Variants in ZNF521 observed in about 807,000 individuals in gnomAD.
ZNF521 encodes LYST-interacting protein 3.
ZNF521 carries 14 observed loss-of-function variants against 105.5 expected under a neutral mutation model. That is an observed-to-expected ratio of 0.13 (90% CI 0.09 to 0.21). The LOEUF (loss-of-function observed/expected upper bound fraction) is 0.21, where lower values mean the gene tolerates loss of function less well. ZNF521 is among the 10% of genes least tolerant of loss of function. The probability of loss-of-function intolerance (pLI) is 1.00; values close to 1 mark genes in which losing one functional copy is unlikely to be tolerated. For missense variants in ZNF521, 1,233 were observed against 1,629.7 expected (o/e 0.76, Z 4.19); for synonymous variants, 635 against 606.0 (o/e 1.05, Z -0.70).
intron 4 of ZNF521, chr18:25,202,278 A>T (rs919530298): frequency 5.3e-5 from 8 of 152,206 alleles, no homozygotes; most frequent in Non-Finnish European, 1.2e-4. Context: ...AATTTGAAAA[A>T]ATAAAAAATA....
At chr18:25,304,993 C>T (rs1199422363) in intron 3 of ZNF521, among the ~76,000 whole-genome samples, 1 of 152,202 alleles carries the variant, frequency 6.6e-6, no homozygotes, top group Non-Finnish European at 1.5e-5. Flanking sequence ...GCAAAACACA[C>T]TAACACATAT....
intron 6 of ZNF521, among the ~76,000 whole-genome samples, chr18:25,090,223 T>C (rs1286508346): frequency 1.3e-5 from 2 of 152,286 alleles, no homozygotes; most frequent in South Asian, 4.1e-4. Context: ...AATAATTAAA[T>C]TGTATATGCC....
At chr18:25,143,492 C>A (rs1462572911) in intron 5 of ZNF521, among the ~76,000 whole-genome samples, 2 of 151,990 alleles carry the variant, frequency 1.3e-5, no homozygotes, top group Non-Finnish European at 2.9e-5. Context: ...TTGTTCTGGG[C>A]AAGGATGGTT....
chr18:25,252,010 G>C (rs979784849), intron 3 of ZNF521, among the ~76,000 whole-genome samples: 1 of 152,082 alleles, frequency 6.6e-6, no homozygotes, highest in East Asian at 1.9e-4. Flanking sequence ...TCAAGCTAAA[G>C]GAAAATAGAT....
intron 3 of ZNF521, among the ~76,000 whole-genome samples, chr18:25,298,666 C>A (rs985992877): frequency 6.6e-6 from 1 of 152,050 alleles, no homozygotes; most frequent in Admixed American, 6.6e-5. Context: ...TGATCATACA[C>A]CAATCTAGGG....
chr18:25,225,042 T>C lies in ZNF521; in HGVS notation c.2876A>G (p.Tyr959Cys). Residue 959 changes from tyrosine (Y) to cysteine (C), a missense_variant, in exon 4 of 8, where the codon TAC (tyrosine) becomes TGC (cysteine). Tyr to Cys is a radical substitution (Grantham distance 194). Coordinates refer to ENST00000361524, the MANE Select transcript of ZNF521 (RefSeq NM_015461.3). This position sits in a 1 kb window ranked among gnomAD's most constrained non-coding sequence, Gnocchi z 5.6. ...MQTHLGPVKH[Y>C]MCPICGERFP... ...CCGCTCTCCGCAAATAGGGCACATGTAGTGTTTGACAGGGCCTAGGTGGGT... is the reference window on the plus strand; with the variant it reads ...CCGCTCTCCGCAAATAGGGCACATGCAGTGTTTGACAGGGCCTAGGTGGGT... The C allele has an allele frequency of 6.2e-7, 1 of 1,614,128 alleles. No individual in the cohort carries two copies. The highest frequency in any genetic ancestry group is 8.5e-7 in the Non-Finnish European group (1 of 1,180,020).
At chr18:25,306,728 G>A (rs2145091493) in intron 3 of ZNF521, among the ~76,000 whole-genome samples, 1 of 151,620 alleles carries the variant, frequency 6.6e-6, no homozygotes, top group Non-Finnish European at 1.5e-5. Context: ...GAGAAGAAGA[G>A]ATCCTTCTTT....
At chr18:25,241,392 G>C (rs1181287770) in intron 3 of ZNF521, among the ~76,000 whole-genome samples, 1 of 152,196 alleles carries the variant, frequency 6.6e-6, no homozygotes, top group Non-Finnish European at 1.5e-5. Flanking sequence ...GCCAGCTCCA[G>C]TTCCATGGTG....
intron 3 of ZNF521, among the ~76,000 whole-genome samples, chr18:25,261,850 C>T (rs530022571): frequency 1.1e-4 from 16 of 152,202 alleles, no homozygotes; most frequent in East Asian, 1.9e-4. Flanking sequence ...TGAGTCTAAC[C>T]GTAACTTATT....
At chr18:25,202,534 A>G (rs1042593405) in intron 4 of ZNF521, 2 of 152,336 alleles carry the variant, frequency 1.3e-5, no homozygotes, top group African/African-American at 4.8e-5. Context: ...GGTTGGGTGA[A>G]TGGGAAGAGA....
intron 5 of ZNF521, 125 bp from the exon 6 acceptor site, chr18:25,092,206 A>G (rs572827934): frequency 9.1e-7 from 1 of 1,094,454 alleles, no homozygotes; most frequent in Non-Finnish European, 1.3e-6. Context: ...GTAGTATTAT[A>G]TATGGTTTCT....
Position 25,289,762 on chromosome 18 carries a change from A to T in ZNF521, c.220+32246T>A, listed in dbSNP as rs578020064. On this transcript the variant is annotated intron_variant, in intron 3 of 7. Transcript: ENST00000361524. ...GGCTGTGAAAGGGTCTGAGTAAACG[A>T]AACATAAAGTCAAAATTGGGGGGAA... Among the ~76,000 whole-genome samples, 8 of 152,348 alleles carry T rather than the reference A, an allele frequency of 5.3e-5. No homozygotes were observed. The South Asian group carries it at 1.7e-3, about 32-fold the overall frequency.
chr18:25,205,260 T>A (rs1265846264), intron 4 of ZNF521, among the ~76,000 whole-genome samples: 1 of 152,188 alleles, frequency 6.6e-6, no homozygotes, highest in East Asian at 1.9e-4. Context: ...TAGTTCCTAT[T>A]TGAAGACATT....
chr18:25,194,289 G>A (rs906527323), intron 5 of ZNF521, among the ~76,000 whole-genome samples: 1 of 151,602 alleles, frequency 6.6e-6, no homozygotes, highest in African/African-American at 2.4e-5. Context: ...AAAACTCATA[G>A]TATAAAAAAC....
chr18:25,094,297 A>C (rs1192460067), intron 5 of ZNF521, among the ~76,000 whole-genome samples: 1 of 152,282 alleles, frequency 6.6e-6, no homozygotes, highest in African/African-American at 2.4e-5. Context: ...AAAATAAATA[A>C]GACATATGTG....
chr18:25,201,684 C>T (rs2035995284), intron 4 of ZNF521: 1 of 152,168 alleles, frequency 6.6e-6, no homozygotes, highest in South Asian at 2.1e-4. Flanking sequence ...GATTTGGTCA[C>T]AACCCTGAAA....
intron 5 of ZNF521, among the ~76,000 whole-genome samples, chr18:25,103,252 T>G (rs2144265382): frequency 6.6e-6 from 1 of 152,284 alleles, no homozygotes; most frequent in South Asian, 2.1e-4. Flanking sequence ...CAACCTGTGA[T>G]GGAGTGGCTG....
At chr18:25,089,710 G>T in intron 6 of ZNF521, 130 bp from the exon 7 acceptor site, 2 of 701,800 alleles carry the variant, frequency 2.8e-6, no homozygotes, top group South Asian at 1.7e-5. Flanking sequence ...CTGAGACCTG[G>T]GGAGAGCTGA....
intron 7 of ZNF521, chr18:25,082,607 G>A (rs563251865): frequency 3.4e-5 from 15 of 436,512 alleles, no homozygotes; most frequent in Middle Eastern, 7.5e-4. Flanking sequence ...AGGCCAAGGC[G>A]GGTGGATTGC....
Sources: gnomAD v4.1 joint callset for allele counts (sites outside exome capture counted in the v4.1 genomes callset) on GRCh38, gnomAD v4.1.1 for gene constraint, Gnocchi (gnomAD v3.1) non-coding constraint, MANE v1.5 for transcripts, NCBI Gene and HGNC (gene_info 2026-07-23, HGNC 2026-07-21) for gene names.